POLN: variants seen among roughly 807,000 people sequenced by gnomAD.
The protein encoded by POLN is DNA polymerase nu.
A neutral mutation model predicts 113.5 loss-of-function variants in POLN; 108 were observed. That is an observed-to-expected ratio of 0.95 (90% CI 0.81 to 1.12). The LOEUF (loss-of-function observed/expected upper bound fraction) is 1.12, where lower values mean the gene tolerates loss of function less well. POLN is among the 50% of genes most tolerant of loss of function. The pLI, the probability that POLN is intolerant of heterozygous loss-of-function variation, is 0.00. For synonymous variants in POLN, 386 were observed against 391.5 expected (o/e 0.99, Z 0.17); for missense variants, 1,097 against 1,077.1 (o/e 1.02, Z -0.26).
At chr4:2,234,777 G>C (rs959249445) in intron 2 of POLN, among the ~76,000 whole-genome samples, 4 of 152,154 alleles carry the variant, frequency 2.6e-5, no homozygotes, top group Non-Finnish European at 5.9e-5. Context: ...TTGATTCACT[G>C]CAATTTAAAA....
At chr4:2,145,633 A>G (rs73079295) in intron 16 of POLN, among the ~76,000 whole-genome samples, 6,034 of 152,292 alleles carry the variant, frequency 0.04, 399 homozygotes, top group African/African-American at 0.14. Flanking sequence ...GCAAAAACTT[A>G]AAAATCTGGT....
At chr4:2,222,368 C>G (rs1231240271) in intron 3 of POLN, among the ~76,000 whole-genome samples, 2 of 151,928 alleles carry the variant, frequency 1.3e-5, no homozygotes, top group Non-Finnish European at 2.9e-5. Context: ...CATGGTGAAA[C>G]CCCATGTGTA....
intron 20 of POLN, chr4:2,090,318 AT>A: frequency 1.2e-6 from 1 of 808,134 alleles, no homozygotes; most frequent in Non-Finnish European, 2.0e-6. Flanking sequence ...TTCAATCAAT[AT>A]TTCATCTGGC....
chr4:2,114,298 A>T (rs1731268150), intron 19 of POLN, among the ~76,000 whole-genome samples: 1 of 152,172 alleles, frequency 6.6e-6, no homozygotes, highest in African/African-American at 2.4e-5. Context: ...GATAAAATTT[A>T]AAAAATATTT....
At chr4:2,162,606 G>C (rs1447568265) in intron 13 of POLN, among the ~76,000 whole-genome samples, 3 of 152,068 alleles carry the variant, frequency 2.0e-5, no homozygotes, top group Non-Finnish European at 2.9e-5. Flanking sequence ...ACAGGTGCAT[G>C]CCACCATGCC....
chr4:2,150,329 A>C (rs1732260832), intron 16 of POLN, among the ~76,000 whole-genome samples: 1 of 152,102 alleles, frequency 6.6e-6, no homozygotes, highest in South Asian at 2.1e-4. Flanking sequence ...ATATTAGACA[A>C]AATAGATTTC....
chr4:2,223,433 T>C (rs1350878831), intron 3 of POLN, among the ~76,000 whole-genome samples: 4 of 152,094 alleles, frequency 2.6e-5, no homozygotes, highest in Admixed American at 2.6e-4. Flanking sequence ...CAAGGGATAA[T>C]AGGTTGCGAG....
At chr4:2,105,115 C>T (rs551642094) in intron 19 of POLN, among the ~76,000 whole-genome samples, 4 of 152,318 alleles carry the variant, frequency 2.6e-5, no homozygotes, top group South Asian at 2.1e-4. Flanking sequence ...AACAAATTTG[C>T]GACTGAACTC....
chr4:2,079,342 A>T, intron 23 of POLN: 2 of 841,350 alleles, frequency 2.4e-6, no homozygotes, highest in Non-Finnish European at 2.9e-6. Flanking sequence ...GGGAGAAGCT[A>T]TAATTTACCT....
At chr4:2,221,913 G>A (rs892103751) in intron 3 of POLN, among the ~76,000 whole-genome samples, 1 of 152,146 alleles carries the variant, frequency 6.6e-6, no homozygotes, top group Non-Finnish European at 1.5e-5. Context: ...CCCTCTTCGA[G>A]TTGTCCCGCC....
intron 19 of POLN, among the ~76,000 whole-genome samples, chr4:2,098,043 T>C (rs1350935520): frequency 1.1e-4 from 16 of 152,220 alleles, no homozygotes; most frequent in Non-Finnish European, 1.9e-4. Flanking sequence ...TTTCCTGCTG[T>C]GTTAAGCTAT....
chr4:2,222,361 G>C (rs960504842), intron 3 of POLN, among the ~76,000 whole-genome samples: 12 of 151,878 alleles, frequency 7.9e-5, no homozygotes, highest in African/African-American at 2.9e-4. Context: ...TGGGCAGCAT[G>C]GTGAAACCCC....
chr4:2,227,747 A>C (rs1293013346), intron 3 of POLN: 4 of 152,124 alleles, frequency 2.6e-5, no homozygotes, highest in Non-Finnish European at 5.9e-5. Flanking sequence ...CAACAATAAG[A>C]GCTTATATGA....
chr4:2,080,789 A>G, intron 23 of POLN, 169 bp downstream of exon 23: 3 of 1,479,896 alleles, frequency 2.0e-6, no homozygotes, highest in South Asian at 1.3e-5. Flanking sequence ...TGTTGTCTGC[A>G]TGCCTGCTGT....
rs773220914 is a variant in POLN, at chr4:2,170,715, C to T, written c.1518G>A (p.Thr506=). 91 of 1,614,032 alleles carry T rather than the reference C, an allele frequency of 5.6e-5. No homozygotes were observed. Among genetic ancestry groups the T allele is most frequent in the Admixed American group, 1.5e-4 (9 of 59,988 alleles). The change falls in exon 13 of 26, where the codon ACG becomes ACA. Residue 506 remains threonine, a synonymous_variant. Coordinates refer to ENST00000511885, the MANE Select transcript of POLN (RefSeq NM_181808.4). The stretch of plus-strand genomic sequence containing the variant: ...ATGTAGACGGGTATTTCTGCAACCC[C>T]GTTCTGGGGAGACTGTTCCTTTGAC... ...LLSQRNSLPR[T]GLQKYPSTSE... is the part of the protein sequence containing the mutation.
At chr4:2,116,564 C>A (rs971246912) in intron 19 of POLN, among the ~76,000 whole-genome samples, 4 of 137,872 alleles carry the variant, frequency 2.9e-5, no homozygotes, top group Non-Finnish European at 6.4e-5. Flanking sequence ...AAAAAAAAAA[C>A]CCAAATCCAT....
At chr4:2,134,172 C>A (rs760621490) in intron 16 of POLN, among the ~76,000 whole-genome samples, 46 of 152,166 alleles carry the variant, frequency 3.0e-4, no homozygotes, top group Non-Finnish European at 5.3e-4. Flanking sequence ...TCATCCATGC[C>A]TTTTTATGGC....
Position 2,075,435 on chromosome 4 carries a change from G to T in POLN, c.2455+17C>A. On this transcript the variant is annotated intron_variant, in intron 24 of 25. Coordinates refer to ENST00000511885, the MANE Select transcript of POLN (RefSeq NM_181808.4). ...CTGTCTGTGATGTCCAAGCAACCCTGTGTTGCCCCAGGCTACCTGCACACT... is the reference window on the plus strand; with the variant it reads ...CTGTCTGTGATGTCCAAGCAACCCTTTGTTGCCCCAGGCTACCTGCACACT... 6.2e-7 allele frequency: 1 copy of T among 1,613,002 alleles called. No individual in the cohort carries two copies. Among genetic ancestry groups the T allele is most frequent in the African/African-American group, 1.3e-5 (1 of 75,066 alleles).
At chr4:2,231,355 C>T (rs928467219) in intron 2 of POLN, 1 of 152,240 alleles carries the variant, frequency 6.6e-6, no homozygotes, top group Non-Finnish European at 1.5e-5. Flanking sequence ...AATTCCGGCA[C>T]TTTGGGAGGC....
Sources: gnomAD v4.1 joint callset for allele counts (sites outside exome capture counted in the v4.1 genomes callset) on GRCh38, gnomAD v4.1.1 for gene constraint, MANE v1.5 for transcripts, NCBI Gene and HGNC (gene_info 2026-07-23, HGNC 2026-07-21) for gene names.